The following LRP1B variants were observed in gnomAD, a reference collection of about 807,000 sequenced individuals.
The protein encoded by LRP1B is LDL receptor related protein 1B.
LRP1B carries 217 observed loss-of-function variants against 556.6 expected under a neutral mutation model. That is an observed-to-expected ratio of 0.39 (90% CI 0.35 to 0.44). LRP1B has a LOEUF of 0.44. Ranked by LOEUF, LRP1B falls within the 20% of genes least tolerant of loss-of-function variation. LRP1B has a pLI of 1.00. For missense variants in LRP1B, 5,053 were observed against 5,620.8 expected, an observed-to-expected ratio of 0.90 and a Z score of 3.23; for synonymous variants, 2,047 against 1,865.8, an observed-to-expected ratio of 1.10 and a Z score of -2.50.
chr2:140,927,101 T>C (rs1372957698), intron 20 of LRP1B, among the ~76,000 whole-genome samples: 1 of 152,148 alleles, frequency 6.6e-6, no homozygotes, highest in Non-Finnish European at 1.5e-5. Context: ...AAGTCAGAGT[T>C]CGAGACCAGC....
rs554111564 is a variant in LRP1B at position 141,364,312 on chromosome 2, T to G, written c.344-109671A>C. Among the ~76,000 whole-genome samples, 17 of 144,598 alleles carry G rather than the reference T, an allele frequency of 1.2e-4. No individual in the cohort carries two copies. In the East Asian group the frequency reaches 2.9e-3, roughly 25 times the overall value. 94.9% of individuals were successfully genotyped at this position (144,598 alleles called of 152,430 possible). A position where few individuals can be genotyped will look rare whatever the true frequency, so the allele number is the denominator to read the frequency against. ...ACACACACGCAAACACACACACAGT[T>G]GAATGATTAAATCACATACACAGTG... On this transcript the variant is annotated intron_variant, in intron 3 of 90. Coordinates refer to ENST00000389484, the MANE Select transcript of LRP1B (RefSeq NM_018557.3).
intron 2 of LRP1B, among the ~76,000 whole-genome samples, chr2:141,591,134 C>G (rs1429716576): frequency 1.3e-5 from 2 of 152,120 alleles, no homozygotes; most frequent in South Asian, 2.1e-4. Context: ...TGAGGCAGCT[C>G]CAAGAAGTAC....
At position 141,017,657 on chromosome 2, in the gene LRP1B, G is replaced by A. The variant is rs13001600; in HGVS notation, c.1971-1742C>T. 2.2e-3 allele frequency among the ~76,000 whole-genome samples: 321 copies of A among 143,942 alleles called. 6 individuals are homozygous for A. The highest frequency in any genetic ancestry group is 6.5e-4 in the Non-Finnish European group (42 of 64,724). 94.4% of individuals were successfully genotyped at this position (143,942 alleles called of 152,430 possible). Reference sequence around the variant, plus strand: ...TGAGAGAGGTTACATATATATATATGTATATATGTATATGCACACACACAC... The same window carrying A: ...TGAGAGAGGTTACATATATATATATATATATATGTATATGCACACACACAC... On this transcript the variant is annotated intron_variant, in intron 12 of 90. Coordinates refer to ENST00000389484, the MANE Select transcript of LRP1B (RefSeq NM_018557.3).
chr2:141,844,038 T>A lies in LRP1B; in HGVS notation c.83-33637A>T, dbSNP rs147993352. Among the ~76,000 whole-genome samples, 252 of 152,162 alleles carry A rather than the reference T, an allele frequency of 1.7e-3. 1 individual carries two copies. Among genetic ancestry groups the A allele is most frequent in the African/African-American group, 5.6e-3 (234 of 41,522 alleles). On this transcript the variant is annotated intron_variant, in intron 1 of 90. Coordinates refer to ENST00000389484, the MANE Select transcript of LRP1B (RefSeq NM_018557.3). ...GATCCTATGTAATTGCACCTTCCCT[T>A]CTCACACTGCACTATGAGCAATGAA...
At chr2:141,798,568 G>A (rs573045472) in intron 2 of LRP1B, among the ~76,000 whole-genome samples, 17 of 151,724 alleles carry the variant, frequency 1.1e-4, no homozygotes, top group Admixed American at 5.9e-4. Context: ...TTAGCTGGGC[G>A]TGGTGGTGGG....
intron 11 of LRP1B, among the ~76,000 whole-genome samples, chr2:141,028,537 T>C (rs1698279253): frequency 6.6e-6 from 1 of 151,980 alleles, no homozygotes; most frequent in African/African-American, 2.4e-5. Context: ...TTTTACAAGA[T>C]TCAACTGAAA....
intron 1 of LRP1B, among the ~76,000 whole-genome samples, chr2:141,916,388 G>A (rs939639094): frequency 4.4e-4 from 15 of 33,856 alleles, no homozygotes; most frequent in Admixed American, 1.2e-3. Context: ...TATTTGAGAC[G>A]GAGTCTCGCT....
intron 41 of LRP1B, among the ~76,000 whole-genome samples, chr2:140,671,294 G>C (rs1446049237): frequency 6.6e-6 from 1 of 152,144 alleles, no homozygotes; most frequent in East Asian, 1.9e-4. Flanking sequence ...GCCAAGGCGG[G>C]CGGATCATGA....
intron 1 of LRP1B, among the ~76,000 whole-genome samples, chr2:141,873,385 A>G (rs548863158): frequency 6.6e-6 from 1 of 152,100 alleles, no homozygotes; most frequent in South Asian, 2.1e-4. Context: ...AAATAACTCA[A>G]CCTATTTTTT....
intron 47 of LRP1B, among the ~76,000 whole-genome samples, chr2:140,532,365 C>A (rs377105820): frequency 1.3e-5 from 2 of 151,612 alleles, no homozygotes; most frequent in East Asian, 3.9e-4. Context: ...CTTCCCATAC[C>A]TTCTCTGTTT....
chr2:141,884,481 C>A (rs1699050139), intron 1 of LRP1B, among the ~76,000 whole-genome samples: 1 of 152,100 alleles, frequency 6.6e-6, no homozygotes, highest in African/African-American at 2.4e-5. Context: ...GAAGTATTTA[C>A]CAAACGAAAT....
chr2:140,733,689 TTAG>T (rs1687851932), intron 35 of LRP1B, among the ~76,000 whole-genome samples: 3 of 152,170 alleles, frequency 2.0e-5, no homozygotes, highest in African/African-American at 7.2e-5. Context: ...AAAAATGAGA[TTAG>T]TGATCACTTC....
intron 86 of LRP1B, among the ~76,000 whole-genome samples, chr2:140,264,733 T>C (rs1381660680): frequency 7.1e-6 from 1 of 140,228 alleles, no homozygotes; most frequent in Non-Finnish European, 1.5e-5. Context: ...TGTGTGTGTG[T>C]GTGTGTGTAT....
chr2:141,839,167 T>G (rs1187507956), intron 1 of LRP1B, among the ~76,000 whole-genome samples: 1 of 152,204 alleles, frequency 6.6e-6, no homozygotes, highest in Non-Finnish European at 1.5e-5. Flanking sequence ...TAGGTTATTG[T>G]CATCCAAAAT....
At chr2:141,923,368 G>T in intron 1 of LRP1B, among the ~76,000 whole-genome samples, 1 of 120,204 alleles carries the variant, frequency 8.3e-6, no homozygotes. Context: ...ATGCCAGGTT[G>T]CTAATATAAA....
chr2:141,219,282 G>A (rs963806148), intron 6 of LRP1B, among the ~76,000 whole-genome samples: 9 of 152,216 alleles, frequency 5.9e-5, no homozygotes, highest in Admixed American at 1.3e-4. Context: ...AGATCGGGCA[G>A]TTTAAACTGA....
chr2:141,717,876 G>C (rs1475206019), intron 2 of LRP1B, among the ~76,000 whole-genome samples: 1 of 152,176 alleles, frequency 6.6e-6, no homozygotes, highest in Admixed American at 6.5e-5. Context: ...CCTTCTATGA[G>C]ACAGAGTAAT....
At chr2:141,905,765 A>ATGTGTGTGTGTGTGTGTGTGTG (rs56309590) in intron 1 of LRP1B, among the ~76,000 whole-genome samples, 2 of 100,194 alleles carry the variant, frequency 2.0e-5, no homozygotes, top group African/African-American at 6.9e-5. Context: ...GTTTGAATAG[A>ATGTGTGTGTGTGTGTGTGTGTG]TGTGTGTGTG....
intron 43 of LRP1B, among the ~76,000 whole-genome samples, chr2:140,574,606 G>A (rs772248840): frequency 6.6e-6 from 1 of 152,132 alleles, no homozygotes; most frequent in Non-Finnish European, 1.5e-5. Context: ...GTTAATTTAA[G>A]TTGAATCATT....
Sources: gnomAD v4.1 joint callset for allele counts (sites outside exome capture counted in the v4.1 genomes callset) on GRCh38, gnomAD v4.1.1 for gene constraint, MANE v1.5 for transcripts, NCBI Gene and HGNC (gene_info 2026-07-23, HGNC 2026-07-21) for gene names.